Variants in ELN observed in about 807,000 individuals in gnomAD.
ELN encodes the protein elastin, also known as tropoelastin.
In ELN, 65 loss-of-function variants were observed where a neutral mutation model predicts 105.8. The ratio of observed to expected loss-of-function variants is 0.61; its 90% CI spans 0.50 to 0.75. The LOEUF (loss-of-function observed/expected upper bound fraction) is 0.75, where lower values mean the gene tolerates loss of function less well. Ranked by LOEUF, ELN falls within the 30% of genes least tolerant of loss-of-function variation. The pLI is 0.00. For synonymous variants in ELN, 368 were observed against 389.2 expected, an observed-to-expected ratio of 0.95 and a Z score of 0.64; for missense variants, 882 against 969.4, an observed-to-expected ratio of 0.91 and a Z score of 1.20.
At chr7:74,053,383 T>C in intron 18 of ELN, 74 bp downstream of exon 18, 1 of 1,564,964 alleles carries the variant, frequency 6.4e-7, no homozygotes, top group Non-Finnish European at 8.7e-7. Context: ...ATTGAGACTA[T>C]TGCCAAAATT....
At chr7:74,047,526 A>G (rs1792858137) in intron 12 of ELN, 149 bp from the exon 13 acceptor site, 1 of 1,048,448 alleles carries the variant, frequency 9.5e-7, no homozygotes, top group Admixed American at 1.7e-5. Flanking sequence ...TCCTTCACCC[A>G]GCGCCTTTGC....
chr7:74,028,441 G>A (rs1424851050), intron 1 of ELN, among the ~76,000 whole-genome samples, 172 bp downstream of exon 1: 3 of 152,172 alleles, frequency 2.0e-5, no homozygotes, highest in African/African-American at 4.8e-5. Context: ...AGCCAGCCCC[G>A]TGCCCAGGAG....
chr7:74,046,876 G>C, intron 12 of ELN, 109 bp downstream of exon 12: 4 of 1,282,298 alleles, frequency 3.1e-6, no homozygotes, highest in South Asian at 1.2e-5. Context: ...TTGAGGTCAG[G>C]AGTTCAAGAC....
chr7:74,057,072 T>A (rs1795402492), intron 21 of ELN, among the ~76,000 whole-genome samples: 1 of 151,952 alleles, frequency 6.6e-6, no homozygotes, highest in African/African-American at 2.4e-5. Flanking sequence ...ATGCTGTCTG[T>A]ACTAAAAATA....
chr7:74,051,219 C>T (rs1010790538), intron 15 of ELN, among the ~76,000 whole-genome samples: 1 of 152,286 alleles, frequency 6.6e-6, no homozygotes, highest in Non-Finnish European at 1.5e-5. Flanking sequence ...CCCGAGAGAG[C>T]GAGAATGTGG....
chr7:74,047,867 T>C (rs1478258645), intron 13 of ELN, 151 bp downstream of exon 13: 9 of 1,189,512 alleles, frequency 7.6e-6, no homozygotes, highest in Non-Finnish European at 1.1e-5. Flanking sequence ...GGAAAGGGCA[T>C]GGAATTTGGA....
chr7:74,066,633 C>T, intron 31 of ELN, 99 bp from the exon 32 acceptor site: 1 of 1,145,024 alleles, frequency 8.7e-7, no homozygotes. Context: ...GAGGTGATCC[C>T]AGACAGAGGT....
At chr7:74,055,692 C>T (rs1795077728) in intron 19 of ELN, among the ~76,000 whole-genome samples, 2 of 151,958 alleles carry the variant, frequency 1.3e-5, no homozygotes, top group South Asian at 4.1e-4. Context: ...GTTGGCCAGG[C>T]TGGTCTCGAA....
At position 74,035,373 on chromosome 7, in the gene ELN, G is replaced by A. The variant is rs782625771; in HGVS notation, c.92G>A (p.Gly31Glu). The change falls in exon 2 of 33, where the codon GGG (glycine) becomes GAG (glutamate). Residue 31 changes from glycine (G) to glutamate (E), a missense_variant. By Grantham distance (98) the Gly-to-Glu change is moderately conservative. Coordinates refer to ENST00000252034, the MANE Select transcript of ELN (RefSeq NM_000501.4). The stretch of plus-strand genomic sequence containing the variant: ...ACCTGTTTCCTTTCAGGGGTCCCTG[G>A]GGCCATTCCTGGTGGAGTTCCTGGA... ...LHPSRPGGVPGAIPGGVPGGV... is the reference protein window; with the variant it reads ...LHPSRPGGVPEAIPGGVPGGV... 122 of 1,613,926 alleles carry A rather than the reference G, an allele frequency of 7.6e-5. No homozygotes were observed. The highest frequency in any genetic ancestry group is 9.8e-5 in the Non-Finnish European group (116 of 1,180,004).
chr7:74,065,563 G>A (rs1035334307), intron 29 of ELN, 131 bp from the exon 30 acceptor site: 73 of 1,088,290 alleles, frequency 6.7e-5, no homozygotes, highest in Middle Eastern at 2.2e-4. Flanking sequence ...GCAGTGAGCC[G>A]GGATCGCGCC....
At chr7:74,064,696 C>T (rs1187928115) in intron 29 of ELN, among the ~76,000 whole-genome samples, 2 of 152,186 alleles carry the variant, frequency 1.3e-5, no homozygotes, top group African/African-American at 4.8e-5. Flanking sequence ...CTCCCCCTCT[C>T]CTCTCTCTTT....
At chr7:74,068,593 CGG>C in intron 32 of ELN, 62 bp from the exon 33 acceptor site, 1 of 1,599,624 alleles carries the variant, frequency 6.3e-7, no homozygotes, top group South Asian at 1.1e-5. Flanking sequence ...TCAGAGCAGG[CGG>C]GGATTAGAGC....
Position 74,063,432 on chromosome 7 carries a change from G to C in ELN, c.1918+63G>C. ...CCCAGGCCCCCAGGGTGTGGGAGGA[G>C]CTTCTGACCAGGCACTGTAGACTCA... On this transcript the variant is annotated intron_variant, in intron 28 of 32. Coordinates refer to ENST00000252034, the MANE Select transcript of ELN (RefSeq NM_000501.4). The surrounding 1 kb of genome is among the most constrained non-coding windows in gnomAD (Gnocchi z 4.1). 1 of 1,550,254 alleles carries C rather than the reference G, an allele frequency of 6.5e-7. No individual in the cohort carries two copies. The highest frequency in any genetic ancestry group is 2.3e-4 in the Middle Eastern group (1 of 4,396).
At position 74,053,233 on chromosome 7, in the gene ELN, C is replaced by T. The variant is rs782012004; in HGVS notation, c.1020C>T (p.Gly340=). The part of the protein sequence containing the change: ...GPGVVGVPGA[G]VPGVGVPGAG... The stretch of plus-strand genomic sequence containing the variant: ...GAGTAGTTGGTGTCCCAGGAGCTGG[C>T]GTTCCAGGTGTTGGTGTCCCAGGAG... Residue 340 remains glycine (G), a synonymous_variant, in exon 18 of 33, where the codon GGC becomes GGT. Coordinates refer to ENST00000252034, the MANE Select transcript of ELN (RefSeq NM_000501.4). The T allele has an allele frequency of 1.5e-5, 24 of 1,613,948 alleles. No individual in the cohort carries two copies. Among genetic ancestry groups the T allele is most frequent in the South Asian group, 4.4e-5 (4 of 91,060 alleles).
intron 8 of ELN, 81 bp downstream of exon 8, chr7:74,043,249 C>T: frequency 6.5e-7 from 1 of 1,533,826 alleles, no homozygotes; most frequent in Non-Finnish European, 8.8e-7. Context: ...CTCTCCATGC[C>T]ACTGCACTTG....
rs1440097127 is a variant in ELN, at chr7:74,042,746, C to A, written c.325+40C>A. 8 of 1,605,940 alleles carry A rather than the reference C, an allele frequency of 5.0e-6. No individual in the cohort carries two copies. In the African/African-American group the frequency reaches 8.0e-5, roughly 16 times the overall value. On this transcript the variant is annotated intron_variant, in intron 6 of 32. Coordinates refer to ENST00000252034, the MANE Select transcript of ELN (RefSeq NM_000501.4). Reference sequence around the variant, plus strand: ...TTGGGACATGCCACAAGCCCTCTGGCTTCCGTGGGGCCCTCCGCTTTGCAA... The same window carrying A: ...TTGGGACATGCCACAAGCCCTCTGGATTCCGTGGGGCCCTCCGCTTTGCAA...
chr7:74,062,432 G>C (rs1160875829), intron 26 of ELN: 1 of 152,438 alleles, frequency 6.6e-6, no homozygotes, highest in African/African-American at 2.4e-5. Flanking sequence ...GTTCTCATCT[G>C]CAAAATGGGA....
At chr7:74,044,034 C>T in intron 9 of ELN, 114 bp downstream of exon 9, 1 of 1,427,650 alleles carries the variant, frequency 7.0e-7, no homozygotes, top group Non-Finnish European at 9.7e-7. Context: ...TGGCTTGAGG[C>T]CAGGAGTTTG....
chr7:74,040,762 G>T (rs1019429688), intron 4 of ELN, among the ~76,000 whole-genome samples: 5 of 152,140 alleles, frequency 3.3e-5, no homozygotes, highest in Non-Finnish European at 5.9e-5. Context: ...GGGCTGCAGG[G>T]CAGGCTGGAT....
Sources: allele counts gnomAD v4.1 joint callset (sites outside exome capture counted in the v4.1 genomes callset), GRCh38; gene constraint gnomAD v4.1.1; non-coding constraint Gnocchi (gnomAD v3.1); transcripts MANE v1.5; gene names NCBI Gene and HGNC (gene_info 2026-07-23, HGNC 2026-07-21).